Variants in RPRD1A observed in about 807,000 individuals in gnomAD.
The protein encoded by RPRD1A is regulation of nuclear pre-mRNA domain containing 1A.
In RPRD1A, 9 loss-of-function variants were observed where a neutral mutation model predicts 37.8. The observed-to-expected ratio is 0.24, with a 90% CI of 0.14 to 0.42. The LOEUF (loss-of-function observed/expected upper bound fraction) is 0.42, where lower values mean the gene tolerates loss of function less well. Among genes scored for constraint, RPRD1A ranks in the 10% least tolerant of loss-of-function variants. RPRD1A has a pLI of 1.00. For missense variants in RPRD1A, 255 were observed against 371.0 expected, an observed-to-expected ratio of 0.69 and a Z score of 2.57; for synonymous variants, 138 against 139.7, an observed-to-expected ratio of 0.99 and a Z score of 0.08.
rs11555353 is a variant in RPRD1A, at chr18:36,031,022, A to G, written c.357T>C (p.Asn119=). Residue 119 remains asparagine, a synonymous_variant, in exon 3 of 7, where the codon AAT becomes AAC. Coordinates refer to ENST00000399022, the MANE Select transcript of RPRD1A (RefSeq NM_018170.5). ...CTTGTTTAAGTTGTTCTAATACATC[A>G]TTTTCATAAACAGACCTTTCTTCCC... ...SIWEERSVYE[N]DVLEQLKQAL... is the part of the protein sequence containing the mutation. 2,787 of 1,600,198 alleles carry G rather than the reference A, an allele frequency of 1.7e-3. 49 individuals carry two copies. The African/African-American group carries it at 0.034, about 19-fold the overall frequency.
chr18:36,047,872 T>TCC (rs1913068104), intron 1 of RPRD1A, among the ~76,000 whole-genome samples: 1 of 152,164 alleles, frequency 6.6e-6, no homozygotes, highest in Non-Finnish European at 1.5e-5. Context: ...CCAGATGGTT[T>TCC]CCACCAGAGA....
rs780310615 is a variant in RPRD1A at position 36,031,054 on chromosome 18, A to T, written c.325T>A (p.Ser109Thr). ...TAAACAGACCTTTCTTCCCAAATAGATAACACTCTTCCAAGGTGCTTCTTA... is the reference window on the plus strand; with the variant it reads ...TAAACAGACCTTTCTTCCCAAATAGTTAACACTCTTCCAAGGTGCTTCTTA... ...SCKKHLGRVLSIWEERSVYEN... is the reference protein window; with the variant it reads ...SCKKHLGRVLTIWEERSVYEN... The change falls in exon 3 of 7, where the codon TCT (serine) becomes ACT (threonine). Residue 109 changes from serine to threonine, a missense_variant. Physicochemically the swap from Ser to Thr is moderately conservative, Grantham distance 58 (BLOSUM62 1). Around this residue, in one of 2 missense-constraint regions of RPRD1A, gnomAD observed 211 missense variants for 268.9 expected, o/e 0.78. Coordinates refer to ENST00000399022, the MANE Select transcript of RPRD1A (RefSeq NM_018170.5). The T allele has an allele frequency of 1.9e-5, 31 of 1,593,292 alleles. No homozygotes were observed. In the East Asian group the frequency reaches 6.7e-4, roughly 35 times the overall value.
intron 1 of RPRD1A, among the ~76,000 whole-genome samples, chr18:36,053,666 T>G (rs1307731485): frequency 6.6e-6 from 1 of 152,200 alleles, no homozygotes; most frequent in East Asian, 1.9e-4. Flanking sequence ...TTTTCAAGTC[T>G]CGTAAACATA....
chr18:36,031,190 G>T (rs1598633429), intron 2 of RPRD1A, 93 bp from the exon 3 acceptor site: 5 of 1,376,880 alleles, frequency 3.6e-6, no homozygotes, highest in Non-Finnish European at 4.7e-6. Flanking sequence ...AATATAATCA[G>T]ACATTCATTC....
At chr18:36,043,196 C>T (rs1245580722) in intron 1 of RPRD1A, among the ~76,000 whole-genome samples, 1 of 65,642 alleles carries the variant, frequency 1.5e-5, no homozygotes, top group African/African-American at 5.8e-5. Flanking sequence ...CAAGAAGAAT[C>T]GGGGGGGGGG....
intron 6 of RPRD1A, among the ~76,000 whole-genome samples, chr18:36,001,333 A>G (rs1184851950): frequency 6.6e-6 from 1 of 152,184 alleles, no homozygotes; most frequent in East Asian, 1.9e-4. Context: ...ATTTCAAATC[A>G]AGCAGAGAGA....
rs1310034966 is a variant in RPRD1A at position 36,018,269 on chromosome 18, TAC to T, written c.789+8629_789+8630del. On this transcript the variant is annotated intron_variant, in intron 6 of 6. Coordinates refer to ENST00000399022, the MANE Select transcript of RPRD1A (RefSeq NM_018170.5). Reference sequence around the variant, plus strand: ...TTTTAAATATATACCTCTTCCAAGTTACACTTTTTTTTTTTTTTTTTAAAGAA... The same window carrying T: ...TTTTAAATATATACCTCTTCCAAGTTACTTTTTTTTTTTTTTTTTAAAGAA... Among the ~76,000 whole-genome samples the T allele has an allele frequency of 1.0e-3, 157 of 149,682 alleles. 2 individuals are homozygous for T. The South Asian group carries it at 0.017, about 16-fold the overall frequency.
At chr18:36,014,565 C>G (rs1910380984) in intron 6 of RPRD1A, among the ~76,000 whole-genome samples, 1 of 152,142 alleles carries the variant, frequency 6.6e-6, no homozygotes, top group Non-Finnish European at 1.5e-5. Context: ...ACGGTGAAAC[C>G]CCGTCTCTAC....
intron 6 of RPRD1A, among the ~76,000 whole-genome samples, chr18:35,995,013 C>T (rs1444895338): frequency 6.6e-6 from 1 of 152,102 alleles, no homozygotes; most frequent in East Asian, 1.9e-4. Context: ...ACAGTACACA[C>T]AGGAAGGAAG....
At chr18:36,008,195 T>C (rs1327540977) in intron 6 of RPRD1A, among the ~76,000 whole-genome samples, 1 of 152,078 alleles carries the variant, frequency 6.6e-6, no homozygotes, top group Non-Finnish European at 1.5e-5. Flanking sequence ...TTAAAAGGCA[T>C]TGTCTGTATT....
At chr18:36,065,502 C>T (rs1354569221) in intron 1 of RPRD1A, among the ~76,000 whole-genome samples, 3 of 152,136 alleles carry the variant, frequency 2.0e-5, no homozygotes, top group Non-Finnish European at 2.9e-5. Context: ...CACTATGTTG[C>T]ACAGGCAGGG....
intron 1 of RPRD1A, among the ~76,000 whole-genome samples, chr18:36,064,638 ACT>A (rs1287418177): frequency 5.9e-5 from 9 of 152,190 alleles, no homozygotes; most frequent in Admixed American, 5.2e-4. Flanking sequence ...ACCAATCAGC[ACT>A]CTGTCAAAAC....
chr18:36,008,577 G>GTGTGTGTATATATATATATATATA lies in RPRD1A; in HGVS notation c.790-15278_790-15277insTATATATATATATATATACACACA. 1.2e-3 allele frequency among the ~76,000 whole-genome samples: 55 copies of GTGTGTGTATATATATATATATATA among 47,746 alleles called. 3 individuals carry two copies. The highest frequency in any genetic ancestry group is 2.7e-3 in the South Asian group (3 of 1,092). 31.3% of individuals were successfully genotyped at this position (47,746 alleles called of 152,430 possible). On this transcript the variant is annotated intron_variant, in intron 6 of 6. Coordinates refer to ENST00000399022, the MANE Select transcript of RPRD1A (RefSeq NM_018170.5). The stretch of plus-strand genomic sequence containing the variant: ...GGCGACACAGCAAGACCTTGTGTGT[G>GTGTGTGTATATATATATATATATA]TATATATATATATCTTTAAAAATCT...
intron 1 of RPRD1A, among the ~76,000 whole-genome samples, chr18:36,040,644 A>G (rs1292661034): frequency 6.6e-5 from 10 of 152,226 alleles, no homozygotes; most frequent in Non-Finnish European, 1.0e-4. Context: ...GCAATAGGCA[A>G]GGAAAGAAGA....
intron 1 of RPRD1A, chr18:36,063,094 TAAGG>T (rs1773428400): frequency 6.6e-6 from 1 of 152,186 alleles, no homozygotes; most frequent in Non-Finnish European, 1.5e-5. Flanking sequence ...GAGACAAAGA[TAAGG>T]AAGGTAGGAA....
intron 4 of RPRD1A, among the ~76,000 whole-genome samples, chr18:36,030,102 G>C (rs987002877): frequency 6.7e-6 from 1 of 150,020 alleles, no homozygotes; most frequent in Non-Finnish European, 1.5e-5. Flanking sequence ...CACTGCGCCC[G>C]GCCACTCTAA....
At chr18:36,010,560 T>C (rs1910115025) in intron 6 of RPRD1A, among the ~76,000 whole-genome samples, 2 of 152,104 alleles carry the variant, frequency 1.3e-5, no homozygotes, top group African/African-American at 2.4e-5. Context: ...AAGTTAAGGG[T>C]AGGACATCAA....
chr18:36,008,997 G>A (rs907551441), intron 6 of RPRD1A, among the ~76,000 whole-genome samples: 2 of 152,130 alleles, frequency 1.3e-5, no homozygotes, highest in Non-Finnish European at 2.9e-5. Context: ...GGGTATGGGA[G>A]TAGGGAGAGG....
At chr18:36,035,645 T>G (rs1283457850) in intron 1 of RPRD1A, among the ~76,000 whole-genome samples, 1 of 152,166 alleles carries the variant, frequency 6.6e-6, no homozygotes, top group Non-Finnish European at 1.5e-5. Context: ...ATAAAAATAT[T>G]TTACAATGTT....
Sources: gnomAD v4.1 joint callset for allele counts (sites outside exome capture counted in the v4.1 genomes callset) on GRCh38, gnomAD v4.1.1 for gene constraint, gnomAD v4.1.1 regional missense constraint, MANE v1.5 for transcripts, NCBI Gene and HGNC (gene_info 2026-07-23, HGNC 2026-07-21) for gene names.